Variants in GAB4 observed in about 807,000 individuals in gnomAD.
GAB4 encodes the protein GRB2 associated binding protein family member 4.
Under a neutral mutation model 51.3 loss-of-function variants are expected in GAB4, and 26 were observed. That is an observed-to-expected ratio of 0.51 (90% CI 0.37 to 0.70). GAB4 has a LOEUF of 0.70. Ranked by LOEUF, GAB4 falls within the 30% of genes least tolerant of loss-of-function variation. The pLI is 0.00. For synonymous variants in GAB4, 329 were observed against 291.2 expected (o/e 1.13, Z -1.32); for missense variants, 759 against 734.6 (o/e 1.03, Z -0.38).
intron 3 of GAB4, among the ~76,000 whole-genome samples, chr22:16,973,649 C>T (rs144142816): frequency 3.9e-5 from 6 of 152,342 alleles, no homozygotes; most frequent in African/African-American, 1.4e-4. Flanking sequence ...AAAAGAATTA[C>T]TGGTCCCTAA....
chr22:16,977,118 AG>A (rs1409435502), intron 3 of GAB4, among the ~76,000 whole-genome samples: 2 of 152,306 alleles, frequency 1.3e-5, no homozygotes, highest in South Asian at 2.1e-4. Flanking sequence ...ATCAACTAGC[AG>A]TCAAAATAAC....
intron 1 of GAB4, among the ~76,000 whole-genome samples, chr22:17,004,508 A>G (rs2061024008): frequency 6.6e-6 from 1 of 152,248 alleles, no homozygotes; most frequent in South Asian, 2.1e-4. Context: ...CCTGGGATGC[A>G]AGGCTGGTTC....
At chr22:17,006,017 A>C (rs1212802253) in intron 1 of GAB4, among the ~76,000 whole-genome samples, 6 of 152,274 alleles carry the variant, frequency 3.9e-5, no homozygotes, top group African/African-American at 1.4e-4. Context: ...CAAAATTGAC[A>C]AATGGGATCT....
At chr22:16,991,299 T>C (rs1189718827) in intron 2 of GAB4, among the ~76,000 whole-genome samples, 3 of 147,732 alleles carry the variant, frequency 2.0e-5, no homozygotes, top group Non-Finnish European at 3.0e-5. Context: ...ATTTAGACCA[T>C]ATATCTGCCT....
At chr22:16,993,121 C>T (rs565164365) in intron 1 of GAB4, among the ~76,000 whole-genome samples, 1 of 152,320 alleles carries the variant, frequency 6.6e-6, no homozygotes, top group South Asian at 2.1e-4. Flanking sequence ...TTGTCTTAGG[C>T]TGTCTTCTAC....
At chr22:16,993,926 A>G (rs2060932457) in intron 1 of GAB4, among the ~76,000 whole-genome samples, 1 of 152,192 alleles carries the variant, frequency 6.6e-6, no homozygotes, top group Non-Finnish European at 1.5e-5. Context: ...TGGGGAACAC[A>G]GAGAGTTCAT....
intron 4 of GAB4, 80 bp downstream of exon 4, chr22:16,969,863 C>T (rs559238038): frequency 5.3e-5 from 81 of 1,534,300 alleles, no homozygotes; most frequent in South Asian, 3.4e-5. Flanking sequence ...GTGGGGTGGC[C>T]GGAACACCAC....
intron 6 of GAB4, 38 bp from the exon 7 acceptor site, chr22:16,965,306 G>T: frequency 6.6e-7 from 1 of 1,510,178 alleles, no homozygotes; most frequent in South Asian, 1.1e-5. Context: ...AGCCAGTGAT[G>T]ACACCACACC....
Position 16,970,103 on chromosome 22 carries a change from A to G in GAB4, c.777T>C (p.Ser259=), listed in dbSNP as rs1601251938. 1.2e-6 allele frequency: 2 copies of G among 1,614,014 alleles called. No individual in the cohort carries two copies. The highest frequency in any genetic ancestry group is 2.2e-5 in the East Asian group (1 of 44,862). ...MQNLAQHSGY[S]VDGVSGHIHG... ...GGATGTGACCGCTGACCCCATCAAC[A>G]CTGTATCCACTGTGCTGGGCAAGAT... Residue 259 remains serine (S), a synonymous_variant, in exon 4 of 10, where the codon AGT becomes AGC. Transcript: ENST00000400588.
At chr22:16,987,920 G>C in intron 3 of GAB4, 40 bp downstream of exon 3, 1 of 1,473,938 alleles carries the variant, frequency 6.8e-7, no homozygotes, top group Non-Finnish European at 9.3e-7. Context: ...ACAAGACCTT[G>C]TGGGGGTCAC....
In GAB4 at chr22:17,008,079, C is replaced by T. The variant is rs951614387; in HGVS notation, c.36G>A (p.Leu12=). 3.1e-6 allele frequency: 5 copies of T among 1,607,814 alleles called. No homozygotes were observed. In the African/African-American group the frequency reaches 4.0e-5, roughly 13 times the overall value. The change falls in exon 1 of 10, where the codon CTG becomes CTA. Residue 12 remains leucine, a synonymous_variant. Transcript: ENST00000400588. The stretch of plus-strand genomic sequence containing the variant: ...GCGCAAATGCCGGGTCAGGTGGGCA[C>T]AGCTCCCGGGAGGGTGAGGGGGACG... ...SLPSPSPSRE[L]CPPDPAFAPL...
chr22:16,984,599 C>T (rs1292743653), intron 3 of GAB4, among the ~76,000 whole-genome samples: 1 of 152,126 alleles, frequency 6.6e-6, no homozygotes, highest in Non-Finnish European at 1.5e-5. Flanking sequence ...TGTGGGTTGC[C>T]ATAATCCTTG....
chr22:16,999,187 A>G (rs879014247), intron 1 of GAB4, among the ~76,000 whole-genome samples: 2 of 152,066 alleles, frequency 1.3e-5, no homozygotes, highest in Admixed American at 6.5e-5. Flanking sequence ...CTCTTTTTCT[A>G]TTGATTGGAA....
At chr22:16,986,184 G>C (rs2060865666) in intron 3 of GAB4, among the ~76,000 whole-genome samples, 1 of 152,204 alleles carries the variant, frequency 6.6e-6, no homozygotes, top group Non-Finnish European at 1.5e-5. Flanking sequence ...TCTACATAAA[G>C]TGTGTCCTGC....
intron 1 of GAB4, among the ~76,000 whole-genome samples, chr22:17,004,402 T>A (rs1451890511): frequency 1.3e-5 from 2 of 152,144 alleles, no homozygotes; most frequent in Non-Finnish European, 2.9e-5. Context: ...CCAATATCCC[T>A]AATGAACATC....
rs753520062 is a variant in GAB4, at chr22:17,008,140, G to T, written c.-26C>A. On this transcript the variant is annotated 5_prime_UTR_variant, in exon 1 of 10. Coordinates refer to ENST00000400588, the MANE Select transcript of GAB4 (RefSeq NM_001037814.1). ...GGGGGCTGCAGCTCACAGTGAAGGTGGGGGAGACAGGGCGAGAGGGCGTTG... is the reference window on the plus strand; with the variant it reads ...GGGGGCTGCAGCTCACAGTGAAGGTTGGGGAGACAGGGCGAGAGGGCGTTG... The T allele has an allele frequency of 3.9e-6, 6 of 1,540,958 alleles. No homozygotes were observed. Among genetic ancestry groups the T allele is most frequent in the East Asian group, 4.6e-5 (2 of 43,596 alleles).
rs537647373 is a variant in GAB4, at chr22:16,997,660, C to T, written c.175-5484G>A. Reference sequence around the variant, plus strand: ...TTTAGTTTAATTAGATCCCATTTGGCTATTTTGGCTTTTGTTGTCATTACT... The same window carrying T: ...TTTAGTTTAATTAGATCCCATTTGGTTATTTTGGCTTTTGTTGTCATTACT... On this transcript the variant is annotated intron_variant, in intron 1 of 9. Coordinates refer to ENST00000400588, the MANE Select transcript of GAB4 (RefSeq NM_001037814.1). Among the ~76,000 whole-genome samples the T allele has an allele frequency of 2.0e-5, 3 of 152,318 alleles. No homozygotes were observed. In the East Asian group the frequency reaches 5.8e-4, roughly 29 times the overall value.
intron 1 of GAB4, among the ~76,000 whole-genome samples, chr22:16,995,120 C>A (rs2060940784): frequency 6.6e-6 from 1 of 152,154 alleles, no homozygotes; most frequent in Admixed American, 6.5e-5. Context: ...GACTTCAAGC[C>A]CAGCAGCCTG....
chr22:16,983,310 T>C (rs1453718865), intron 3 of GAB4, among the ~76,000 whole-genome samples: 1 of 152,178 alleles, frequency 6.6e-6, no homozygotes, highest in East Asian at 1.9e-4. Flanking sequence ...TTGTCTTTTC[T>C]CATTCCTTTC....
Sources: gnomAD v4.1 joint callset for allele counts (sites outside exome capture counted in the v4.1 genomes callset) on GRCh38, gnomAD v4.1.1 for gene constraint, MANE v1.5 for transcripts, NCBI Gene and HGNC (gene_info 2026-07-23, HGNC 2026-07-21) for gene names.